The following ADRA1A variants were observed in gnomAD, a reference collection of about 807,000 sequenced individuals.
The protein encoded by ADRA1A is alpha-1A adrenergic receptor.
In ADRA1A, 31 loss-of-function variants were observed where a neutral mutation model predicts 29.6. The ratio of observed to expected loss-of-function variants is 1.05; its 90% confidence interval spans 0.79 to 1.41. The LOEUF (loss-of-function observed/expected upper bound fraction) is 1.41. Ranked by LOEUF, ADRA1A falls within the 40% of genes most tolerant of loss-of-function variation. ADRA1A has a pLI of 0.00. For synonymous variants in ADRA1A, 311 were observed against 254.3 expected (o/e 1.22, Z -2.12); for missense variants, 619 against 601.1 (o/e 1.03, Z -0.31).
chr8:26,808,933 C>T (rs563576602), intron 2 of ADRA1A, among the ~76,000 whole-genome samples: 1 of 152,264 alleles, frequency 6.6e-6, no homozygotes, highest in East Asian at 1.9e-4. Context: ...CATTTTTCTG[C>T]CATTAGAGGT....
chr8:26,756,126 C>T (rs920337379), downstream of ADRA1A, among the ~76,000 whole-genome samples: 7 of 152,192 alleles, frequency 4.6e-5, no homozygotes, highest in African/African-American at 1.4e-4. Flanking sequence ...CTTCGATATG[C>T]ACTTACCAGT....
In ADRA1A at chr8:26,806,334, T is replaced by C. The variant is rs1352381684; in HGVS notation, c.884-35668A>G. Among the ~76,000 whole-genome samples, 1 of 152,032 alleles carries C rather than the reference T, an allele frequency of 6.6e-6. No homozygotes were observed. The highest frequency in any genetic ancestry group is 2.4e-5 in the African/African-American group (1 of 41,376). On this transcript the variant is annotated intron_variant, in intron 2 of 2. Coordinates refer to ENST00000380573, the MANE Select transcript of ADRA1A (RefSeq NM_000680.4). The surrounding 1 kb of genome is among the most constrained non-coding windows in gnomAD (Gnocchi z 4.6). ...TTTTTTTCGAAAGCTGCCTTCTGTTTTGCTCTTCCCTTACTGTATAACAGA... is the reference window on the plus strand; with the variant it reads ...TTTTTTTCGAAAGCTGCCTTCTGTTCTGCTCTTCCCTTACTGTATAACAGA...
chr8:26,867,034 G>A lies in ADRA1A; in HGVS notation c.-785C>T. The A allele has an allele frequency of 1.0e-6, 1 of 985,394 alleles. No homozygotes were observed. The highest frequency in any genetic ancestry group is 1.2e-6 in the Non-Finnish European group (1 of 829,970). The allele number at this position is 985,394 out of a possible 1,614,324, so 61.0% of individuals were successfully genotyped here. On this transcript the variant is annotated 5_prime_UTR_variant, in exon 1 of 3. Transcript: ENST00000380573. Reference sequence around the variant, plus strand: ...GCCTGCTCTTCTCTGGAGGCGGAGAGGGGACCGTGTCTCCGAGGCACCAAA... The same window carrying A: ...GCCTGCTCTTCTCTGGAGGCGGAGAAGGGACCGTGTCTCCGAGGCACCAAA...
At chr8:26,753,035 C>T (rs758942904), downstream of ADRA1A, among the ~76,000 whole-genome samples, 5 of 152,152 alleles carry the variant, frequency 3.3e-5, no homozygotes, top group Non-Finnish European at 7.3e-5. Flanking sequence ...AGCTGCCAGA[C>T]AATCTGACTC....
intron 2 of ADRA1A, among the ~76,000 whole-genome samples, chr8:26,790,616 A>C (rs7016881): frequency 2.6e-5 from 4 of 152,100 alleles, no homozygotes; most frequent in Non-Finnish European, 4.4e-5. Context: ...TGTTTCCAAC[A>C]CAAAGAAATG....
At position 26,864,887 on chromosome 8, in the gene ADRA1A, A is replaced by G; in HGVS notation, c.83T>C (p.Leu28Pro). 1 of 1,614,052 alleles carries G rather than the reference A, an allele frequency of 6.2e-7. No individual in the cohort carries two copies. Among genetic ancestry groups the G allele is most frequent in the Non-Finnish European group, 8.5e-7 (1 of 1,180,018 alleles). ...PAPVNISKAI[L>P]LGVILGGLIL... Reference sequence around the variant, plus strand: ...GAGGCCCCCCAAGATCACCCCGAGCAGAATGGCCTTGGAAATGTTCACCGG... The same window carrying G: ...GAGGCCCCCCAAGATCACCCCGAGCGGAATGGCCTTGGAAATGTTCACCGG... Residue 28 changes from leucine to proline, a missense_variant, in exon 2 of 3, where the codon CTG becomes CCG. Physicochemically the swap from Leu to Pro is moderately conservative, Grantham distance 98 (BLOSUM62 -3). Transcript: ENST00000380573. This position sits in a 1 kb window ranked among gnomAD's most constrained non-coding sequence, Gnocchi z 8.1.
At chr8:26,751,052 A>T (rs1804902360) in intron 2 of ADRA1A, among the ~76,000 whole-genome samples, 1 of 148,704 alleles carries the variant, frequency 6.7e-6, no homozygotes, top group Non-Finnish European at 1.5e-5. Context: ...CTGGGCAACA[A>T]GAGCAAAACT....
In ADRA1A at chr8:26,787,905, T is replaced by G. The variant is rs915067867; in HGVS notation, c.884-17239A>C. Among the ~76,000 whole-genome samples the G allele has an allele frequency of 1.6e-5, 2 of 121,276 alleles. No homozygotes were observed. Among genetic ancestry groups the G allele is most frequent in the Non-Finnish European group, 3.4e-5 (2 of 58,994 alleles). 79.6% of individuals were successfully genotyped at this position (121,276 alleles called of 152,430 possible). On this transcript the variant is annotated intron_variant, in intron 2 of 2. Transcript: ENST00000380573. The surrounding 1 kb of genome is among the most constrained non-coding windows in gnomAD (Gnocchi z 4.2). ...ATCTTCTCAGTCATTAGTGCTATCT[T>G]GTCTATTTTTTTTTTTTTAACATTT...
In ADRA1A at chr8:26,815,406, G is replaced by A. The variant is rs1809684762; in HGVS notation, c.884-44740C>T. On this transcript the variant is annotated intron_variant, in intron 2 of 2. Coordinates refer to ENST00000380573, the MANE Select transcript of ADRA1A (RefSeq NM_000680.4). The surrounding 1 kb of genome is among the most constrained non-coding windows in gnomAD (Gnocchi z 4.2). ...AATTATCCAAAGCACTAAAACAAGAGGTAGCAAAAACCTAAGTATTAATGT... is the reference window on the plus strand; with the variant it reads ...AATTATCCAAAGCACTAAAACAAGAAGTAGCAAAAACCTAAGTATTAATGT... 6.6e-6 allele frequency among the ~76,000 whole-genome samples: 1 copy of A among 152,132 alleles called. No individual in the cohort carries two copies. Among genetic ancestry groups the A allele is most frequent in the African/African-American group, 2.4e-5 (1 of 41,418 alleles).
At chr8:26,822,029 A>T (rs1442237686) in intron 2 of ADRA1A, among the ~76,000 whole-genome samples, 1 of 152,196 alleles carries the variant, frequency 6.6e-6, no homozygotes, top group African/African-American at 2.4e-5. Context: ...TGGGGCTATT[A>T]CAAATAAAGC....
chr8:26,756,180 G>T (rs1198528271), downstream of ADRA1A, among the ~76,000 whole-genome samples: 1 of 152,056 alleles, frequency 6.6e-6, no homozygotes, highest in Non-Finnish European at 1.5e-5. Context: ...TTAAAATAAC[G>T]ATCTAATTAT....
chr8:26,830,592 A>G (rs924363863), intron 2 of ADRA1A, among the ~76,000 whole-genome samples: 4 of 152,246 alleles, frequency 2.6e-5, no homozygotes, highest in Admixed American at 6.5e-5. Context: ...GAGAGACAGC[A>G]TAGTTGAACC....
chr8:26,784,932 C>T (rs563743799), intron 2 of ADRA1A, among the ~76,000 whole-genome samples: 25 of 152,180 alleles, frequency 1.6e-4, no homozygotes, highest in Admixed American at 3.3e-4. Flanking sequence ...TCAGAATAGG[C>T]GGGATACCCA....
At chr8:26,778,262 A>G (rs1400230654) in intron 2 of ADRA1A, among the ~76,000 whole-genome samples, 2 of 152,162 alleles carry the variant, frequency 1.3e-5, no homozygotes, top group Admixed American at 6.5e-5. Flanking sequence ...ACATGTAGAC[A>G]TTTCTCCCTA....
intron 2 of ADRA1A, among the ~76,000 whole-genome samples, chr8:26,791,872 G>A (rs77479486): frequency 0.011 from 1,697 of 152,234 alleles, 15 homozygotes; most frequent in Non-Finnish European, 0.018. Flanking sequence ...TTCTAAACAT[G>A]TAATCTAAAG....
Position 26,769,463 on chromosome 8 carries a change from C to T in ADRA1A, c.*686G>A. The T allele has an allele frequency of 1.0e-6, 1 of 985,436 alleles. No homozygotes were observed. The highest frequency in any genetic ancestry group is 1.2e-6 in the Non-Finnish European group (1 of 829,930). 61.0% of individuals were successfully genotyped at this position (985,436 alleles called of 1,614,324 possible). A position where few individuals can be genotyped will look rare whatever the true frequency, so the allele number is the denominator to read the frequency against. ...CCTGGTTGGTTCTTTCAACCCTCTC[C>T]TGACCCAAGGATAGAGAACACTACA... is the stretch of plus-strand genomic sequence containing the variant. On this transcript the variant is annotated 3_prime_UTR_variant, in exon 3 of 3. Transcript: ENST00000380573.
In ADRA1A at chr8:26,756,573, C is replaced by T. The variant is rs761940225; in HGVS notation, c.*186G>A. ...GTTACTGTTTTTCCTGTATCAGTAA[C>T]AGTAACATGTTGGATTTGTGCCTTA... On this transcript the variant is annotated 3_prime_UTR_variant, in exon 3 of 3. Transcript: ENST00000380582. The T allele has an allele frequency of 3.9e-6, 6 of 1,550,130 alleles. No individual in the cohort carries two copies. In the South Asian group the frequency reaches 4.8e-5, roughly 12 times the overall value.
At chr8:26,833,556 C>T (rs576740957) in intron 2 of ADRA1A, among the ~76,000 whole-genome samples, 20 of 152,336 alleles carry the variant, frequency 1.3e-4, no homozygotes, top group Non-Finnish European at 2.6e-4. Flanking sequence ...AGAAGCTCAG[C>T]AATGACTCAG....
chr8:26,754,896 G>C (rs1805085770), downstream of ADRA1A, among the ~76,000 whole-genome samples: 1 of 152,194 alleles, frequency 6.6e-6, no homozygotes, highest in South Asian at 2.1e-4. Flanking sequence ...CTTCAATGTA[G>C]CGTGAGCTGT....
Sources: gnomAD v4.1 joint callset for allele counts (sites outside exome capture counted in the v4.1 genomes callset) on GRCh38, gnomAD v4.1.1 for gene constraint, Gnocchi (gnomAD v3.1) non-coding constraint, MANE v1.5 for transcripts, NCBI Gene and HGNC (gene_info 2026-07-23, HGNC 2026-07-21) for gene names.